Variants in ARHGEF17 observed in about 807,000 individuals in gnomAD.
The protein encoded by ARHGEF17 is 164 kDa Rho-specific guanine-nucleotide exchange factor.
In ARHGEF17, 80 loss-of-function variants were observed where a neutral mutation model predicts 174.0. The observed-to-expected ratio is 0.46, with a 90% CI of 0.38 to 0.55. The LOEUF is 0.55. ARHGEF17 is among the 20% of genes least tolerant of loss of function. The pLI is 0.00. For synonymous variants in ARHGEF17, 1,311 were observed against 1,189.1 expected, an observed-to-expected ratio of 1.10 and a Z score of -2.11; for missense variants, 2,886 against 2,839.7, an observed-to-expected ratio of 1.02 and a Z score of -0.37.
chr11:73,345,733 C>T (rs972809682), intron 1 of ARHGEF17, among the ~76,000 whole-genome samples: 5 of 152,152 alleles, frequency 3.3e-5, no homozygotes, highest in East Asian at 3.9e-4. Context: ...ACCCGAGATA[C>T]GGTCCACAGA....
chr11:73,365,982 A>T lies in ARHGEF17; in HGVS notation c.5995+35A>T, dbSNP rs1239396901. On this transcript the variant is annotated intron_variant, in intron 20 of 20. Coordinates refer to ENST00000263674, the MANE Select transcript of ARHGEF17 (RefSeq NM_014786.4). This position sits in a 1 kb window ranked among gnomAD's most constrained non-coding sequence, Gnocchi z 4.9. Reference sequence around the variant, plus strand: ...TGCATCATACCCCAAGCTAGGGATCATGGACATTTGGTTTAGGACTCCCCA... The same window carrying T: ...TGCATCATACCCCAAGCTAGGGATCTTGGACATTTGGTTTAGGACTCCCCA... The T allele has an allele frequency of 5.7e-5, 90 of 1,581,084 alleles. No homozygotes were observed. Among genetic ancestry groups the T allele is most frequent in the Non-Finnish European group, 7.3e-5 (85 of 1,166,056 alleles).
At position 73,309,291 on chromosome 11, in the gene ARHGEF17, A is replaced by T; in HGVS notation, c.653A>T (p.His218Leu). The change falls in exon 1 of 21, where the codon CAT (histidine) becomes CTT (leucine). Residue 218 changes from histidine to leucine, a missense_variant. This residue lies in a region of ARHGEF17 where 1,728 missense variants were observed against 1,461.2 expected (regional missense o/e 1.18). Coordinates refer to ENST00000263674, the MANE Select transcript of ARHGEF17 (RefSeq NM_014786.4). ...QRPADGLHSW[H>L]IFSQPQAGAR... The stretch of plus-strand genomic sequence containing the variant: ...CCAGCGGATGGTTTACATTCTTGGC[A>T]TATCTTCTCCCAACCGCAGGCCGGG... The T allele has an allele frequency of 1.2e-6, 2 of 1,612,160 alleles. No homozygotes were observed. Among genetic ancestry groups the T allele is most frequent in the Non-Finnish European group, 1.7e-6 (2 of 1,179,646 alleles).
intron 2 of ARHGEF17, among the ~76,000 whole-genome samples, chr11:73,349,081 C>A (rs994828467): frequency 5.3e-5 from 8 of 152,168 alleles, no homozygotes; most frequent in Non-Finnish European, 1.0e-4. Flanking sequence ...CTTTCCTGTG[C>A]ACGCAAGGAA....
chr11:73,309,905 G>C lies in ARHGEF17; in HGVS notation c.1267G>C (p.Ala423Pro), dbSNP rs573179648. ...CGTGTACCGCTCCCCTAGCTTTGGAGCTGGGGAAGGGCTCCTGCGGTCCCA... is the reference window on the plus strand; with the variant it reads ...CGTGTACCGCTCCCCTAGCTTTGGACCTGGGGAAGGGCTCCTGCGGTCCCA... ...WGVYRSPSFG[A>P]GEGLLRSQAR... Residue 423 changes from alanine to proline, a missense_variant, in exon 1 of 21, where the codon GCT becomes CCT. Physicochemically the swap from Ala to Pro is conservative, Grantham distance 27. Transcript: ENST00000263674. The C allele has an allele frequency of 2.8e-5, 45 of 1,613,192 alleles. No individual in the cohort carries two copies. The South Asian group carries it at 4.5e-4, about 16-fold the overall frequency.
At chr11:73,316,657 A>G (rs568897008) in intron 1 of ARHGEF17, among the ~76,000 whole-genome samples, 2 of 152,344 alleles carry the variant, frequency 1.3e-5, no homozygotes, top group Non-Finnish European at 2.9e-5. Flanking sequence ...AGAGAACTGT[A>G]TGGATGGAGC....
In ARHGEF17 at chr11:73,361,149, C is replaced by T. The variant is rs947978227; in HGVS notation, c.4482C>T (p.Arg1494=). Residue 1494 remains arginine, a synonymous_variant, in exon 12 of 21, where the codon CGC becomes CGT. Coordinates refer to ENST00000263674, the MANE Select transcript of ARHGEF17 (RefSeq NM_014786.4). The part of the protein sequence containing the change: ...FLKAIPIMKT[R]SGMQFSCAAP... ...AGGCCATCCCCATCATGAAAACCCGCAGTGGCATGCAGGTATGTCTGCATC... is the reference window on the plus strand; with the variant it reads ...AGGCCATCCCCATCATGAAAACCCGTAGTGGCATGCAGGTATGTCTGCATC... 1 of 1,613,968 alleles carries T rather than the reference C, an allele frequency of 6.2e-7. No homozygotes were observed. Among genetic ancestry groups the T allele is most frequent in the African/African-American group, 1.3e-5 (1 of 74,930 alleles).
At position 73,362,549 on chromosome 11, in the gene ARHGEF17, C is replaced by T; in HGVS notation, c.4811C>T (p.Pro1604Leu). The T allele has an allele frequency of 1.2e-6, 2 of 1,608,062 alleles. No individual in the cohort carries two copies. Among genetic ancestry groups the T allele is most frequent in the Admixed American group, 1.7e-5 (1 of 59,972 alleles). ...EEAATLAEPG[P>L]QPCLHISIAG... ...GCCGCGACGCTCGCGGAGCCGGGGC[C>T]GCAGCCCTGCCTTCACATCTCCATT... Residue 1604 changes from proline (P) to leucine (L), a missense_variant, in exon 14 of 21, where the codon CCG becomes CTG. Physicochemically the swap from Pro to Leu is moderately conservative, Grantham distance 98 (BLOSUM62 -3). This residue lies in a region of ARHGEF17 where 476 missense variants were observed against 473.1 expected (regional missense o/e 1.01). Transcript: ENST00000263674.
At chr11:73,319,653 T>A (rs1356764042) in intron 1 of ARHGEF17, among the ~76,000 whole-genome samples, 2 of 152,244 alleles carry the variant, frequency 1.3e-5, no homozygotes, top group African/African-American at 4.8e-5. Flanking sequence ...CCACTGCATT[T>A]AACTTGCTAT....
intron 1 of ARHGEF17, among the ~76,000 whole-genome samples, chr11:73,327,458 C>CT (rs141144860): frequency 0.075 from 11,357 of 152,332 alleles, 571 homozygotes; most frequent in Non-Finnish European, 0.1. Context: ...AGGAGAAAGA[C>CT]TGAGCTCTGA....
chr11:73,363,517 T>C (rs770243127), intron 15 of ARHGEF17, 62 bp downstream of exon 15: 13 of 1,563,452 alleles, frequency 8.3e-6, no homozygotes, highest in Non-Finnish European at 1.0e-5. Context: ...GCTCTGGAAA[T>C]CATGTGGTCC....
intron 1 of ARHGEF17, among the ~76,000 whole-genome samples, chr11:73,320,497 C>T (rs953649384): frequency 2.7e-5 from 4 of 150,792 alleles, no homozygotes; most frequent in African/African-American, 9.8e-5. Context: ...ATTAGCAGGG[C>T]GTAGTCCTAG....
At chr11:73,314,188 C>G (rs955554335) in intron 1 of ARHGEF17, among the ~76,000 whole-genome samples, 10 of 152,336 alleles carry the variant, frequency 6.6e-5, no homozygotes, top group African/African-American at 2.4e-4. Context: ...AGACAATGTT[C>G]CCTTGTTTCA....
intron 1 of ARHGEF17, among the ~76,000 whole-genome samples, chr11:73,329,611 G>A (rs188894356): frequency 2.0e-5 from 3 of 151,384 alleles, no homozygotes; most frequent in South Asian, 4.2e-4. Flanking sequence ...TGTTGGCCTC[G>A]CTGGCCTTGA....
chr11:73,359,304 G>A (rs1399470482), intron 9 of ARHGEF17, among the ~76,000 whole-genome samples: 2 of 152,256 alleles, frequency 1.3e-5, no homozygotes, highest in Non-Finnish European at 2.9e-5. Flanking sequence ...GGTCCAGAAT[G>A]TGCGTCCCAA....
intron 1 of ARHGEF17, among the ~76,000 whole-genome samples, chr11:73,329,345 A>G (rs866323261): frequency 7.1e-5 from 2 of 28,258 alleles, no homozygotes; most frequent in African/African-American, 7.6e-4. Flanking sequence ...ATATATATAT[A>G]TATATATATA....
At chr11:73,316,317 G>A (rs1864929037) in intron 1 of ARHGEF17, among the ~76,000 whole-genome samples, 1 of 152,228 alleles carries the variant, frequency 6.6e-6, no homozygotes, top group Non-Finnish European at 1.5e-5. Context: ...GACATGTCAG[G>A]CCTTCTAGGC....
intron 11 of ARHGEF17, among the ~76,000 whole-genome samples, 175 bp downstream of exon 11, chr11:73,360,708 G>A (rs1865724267): frequency 6.6e-6 from 1 of 152,184 alleles, no homozygotes; most frequent in Admixed American, 6.5e-5. Context: ...AATAGCTGTG[G>A]CCTCCCTGGC....
intron 12 of ARHGEF17, 111 bp from the exon 13 acceptor site, chr11:73,361,929 C>T: frequency 7.9e-7 from 1 of 1,271,448 alleles, no homozygotes; most frequent in Non-Finnish European, 1.1e-6. Context: ...TCCACACACA[C>T]ACACCCATGC....
At chr11:73,348,588 A>T (rs975437609) in intron 2 of ARHGEF17, among the ~76,000 whole-genome samples, 4 of 152,120 alleles carry the variant, frequency 2.6e-5, no homozygotes, top group South Asian at 2.1e-4. Context: ...GGAAGGTAGG[A>T]TGGTGGGTGC....
Sources: gnomAD v4.1 joint callset for allele counts (sites outside exome capture counted in the v4.1 genomes callset) on GRCh38, gnomAD v4.1.1 for gene constraint, gnomAD v4.1.1 regional missense constraint, Gnocchi (gnomAD v3.1) non-coding constraint, MANE v1.5 for transcripts, NCBI Gene and HGNC (gene_info 2026-07-23, HGNC 2026-07-21) for gene names.